The following INTS13 variants were observed in gnomAD, a reference collection of about 807,000 sequenced individuals.
The protein encoded by INTS13 is integrator complex subunit 13.
Under a neutral mutation model 90.2 loss-of-function variants are expected in INTS13, and 35 were observed. The ratio of observed to expected loss-of-function variants is 0.39; its 90% CI spans 0.30 to 0.51. INTS13 has a LOEUF of 0.51. Among genes scored for constraint, INTS13 ranks in the 20% least tolerant of loss-of-function variants. The pLI, the probability that INTS13 is intolerant of heterozygous loss-of-function variation, is 0.80. For synonymous variants in INTS13, 309 were observed against 277.1 expected, an observed-to-expected ratio of 1.11 and a Z score of -1.14; for missense variants, 601 against 851.2, an observed-to-expected ratio of 0.71 and a Z score of 3.66.
At chr12:26,921,176 C>T (rs1424882932) in intron 8 of INTS13, among the ~76,000 whole-genome samples, 1 of 152,214 alleles carries the variant, frequency 6.6e-6, no homozygotes, top group Non-Finnish European at 1.5e-5. Flanking sequence ...AAAGCTTTAG[C>T]TAAAACTTAT....
Position 26,917,397 on chromosome 12 carries a change from C to T in INTS13, c.1024G>A (p.Val342Ile). 1 of 1,573,550 alleles carries T rather than the reference C, an allele frequency of 6.4e-7. No individual in the cohort carries two copies. The highest frequency in any genetic ancestry group is 8.7e-7 in the Non-Finnish European group (1 of 1,154,940). ...AGGCAGGAGGAAGGTCTACTATTTA[C>T]ATCTACAGGTGAAATCCGATAAGCT... is the stretch of plus-strand genomic sequence containing the variant. ...TGAYRISPVDVNSRPSSCLTN... is the reference protein window; with the variant it reads ...TGAYRISPVDINSRPSSCLTN... The change falls in exon 10 of 17, where the codon GTA becomes ATA. Residue 342 changes from valine (V) to isoleucine (I), a missense_variant. By Grantham distance (29) the Val-to-Ile change is conservative. Coordinates refer to ENST00000261191, the MANE Select transcript of INTS13 (RefSeq NM_018164.3).
At chr12:26,910,195 G>A (rs1951732077) in intron 15 of INTS13, among the ~76,000 whole-genome samples, 1 of 152,124 alleles carries the variant, frequency 6.6e-6, no homozygotes, top group African/African-American at 2.4e-5. Context: ...ATAAATGAGT[G>A]ATATTACATA....
rs376533817 is a variant in INTS13 at position 26,914,487 on chromosome 12, C to T, written c.1340G>A (p.Arg447Gln). 8.7e-6 allele frequency: 14 copies of T among 1,613,748 alleles called. No homozygotes were observed. The highest frequency in any genetic ancestry group is 1.3e-5 in the African/African-American group (1 of 74,894). ...ATGTTTTTCTAACTGATCTTTTGCT[C>T]GTTCCAAAGGGACCTCAAGACTTCC... ...IDGSLEVPLE[R>Q]AKDQLEKHTR... The change falls in exon 12 of 17, where the codon CGA (arginine) becomes CAA (glutamine). Residue 447 changes from arginine (R) to glutamine (Q), a missense_variant. Arg to Gln is a conservative substitution (Grantham distance 43). Coordinates refer to ENST00000261191, the MANE Select transcript of INTS13 (RefSeq NM_018164.3).
intron 7 of INTS13, among the ~76,000 whole-genome samples, chr12:26,923,676 T>TA (rs1490307080): frequency 1.3e-5 from 2 of 152,246 alleles, no homozygotes; most frequent in East Asian, 3.9e-4. Context: ...ATAGATTCCT[T>TA]AAAAAATCCA....
intron 3 of INTS13, among the ~76,000 whole-genome samples, chr12:26,932,082 A>G (rs1329239669): frequency 7.6e-6 from 1 of 132,294 alleles, no homozygotes. Context: ...AGTGAAACTC[A>G]GTCTCAAAAA....
chr12:26,928,593 T>C (rs1938015381), intron 4 of INTS13, 110 bp downstream of exon 4: 1 of 1,110,818 alleles, frequency 9.0e-7, no homozygotes, highest in African/African-American at 1.6e-5. Flanking sequence ...AGGCCACTTG[T>C]AATATGCTTA....
chr12:26,925,069 A>C (rs969322786), intron 6 of INTS13, among the ~76,000 whole-genome samples: 3 of 152,144 alleles, frequency 2.0e-5, no homozygotes, highest in Non-Finnish European at 4.4e-5. Flanking sequence ...ACATTATCAA[A>C]AGAGGCAGAA....
chr12:26,922,451 G>C (rs1937639365), intron 8 of INTS13, among the ~76,000 whole-genome samples, 165 bp downstream of exon 8: 1 of 152,192 alleles, frequency 6.6e-6, no homozygotes, highest in Non-Finnish European at 1.5e-5. Context: ...TCATAGGTAT[G>C]TACGTATAGG....
chr12:26,905,545 G>C lies in INTS13; in HGVS notation c.2082-9C>G, dbSNP rs1354528636. 7 of 1,607,616 alleles carry C rather than the reference G, an allele frequency of 4.4e-6. No individual in the cohort carries two copies. In the African/African-American group the frequency reaches 8.1e-5, roughly 19 times the overall value. ...TTTCTGTTGTCTCCATCCTGAAATA[G>C]GAAGAAAAAAACGAGTTGATAAAAT... On this transcript the variant is annotated splice_polypyrimidine_tract_variant and intron_variant, in intron 16 of 16. Coordinates refer to ENST00000261191, the MANE Select transcript of INTS13 (RefSeq NM_018164.3).
At chr12:26,921,660 T>C (rs1242478465) in intron 8 of INTS13, among the ~76,000 whole-genome samples, 1 of 152,148 alleles carries the variant, frequency 6.6e-6, no homozygotes, top group African/African-American at 2.4e-5. Flanking sequence ...CCCCAAGATA[T>C]ATATGTATTT....
In INTS13 at chr12:26,919,962, A is replaced by G. The variant is rs142223110; in HGVS notation, c.890-2229T>C. On this transcript the variant is annotated intron_variant, in intron 8 of 16. Coordinates refer to ENST00000261191, the MANE Select transcript of INTS13 (RefSeq NM_018164.3). ...GCTAACACGGTGAAACCCCGTCTCT[A>G]TTAAAAACACAAAATATTAGCCAGG... 2.2e-3 allele frequency among the ~76,000 whole-genome samples: 328 copies of G among 152,222 alleles called. 1 individual carries two copies. Among genetic ancestry groups the G allele is most frequent in the African/African-American group, 7.7e-3 (320 of 41,548 alleles).
intron 3 of INTS13, among the ~76,000 whole-genome samples, chr12:26,934,237 C>A (rs1265111287): frequency 6.6e-6 from 1 of 151,990 alleles, no homozygotes; most frequent in Non-Finnish European, 1.5e-5. Flanking sequence ...CGCAATGCAC[C>A]CCAGTCTGGG....
rs775707901 is a variant in INTS13, at chr12:26,936,529, C to A, written c.225+50G>T. ...AAATTCATATAAAAATTCATTTATG[C>A]AGTTAAGTACATCCCCAAAATCATG... On this transcript the variant is annotated intron_variant, in intron 2 of 16. Transcript: ENST00000261191. 4 of 1,313,280 alleles carry A rather than the reference C, an allele frequency of 3.0e-6. No individual in the cohort carries two copies. The South Asian group carries it at 5.0e-5, about 16-fold the overall frequency. The allele number at this position is 1,313,280 out of a possible 1,614,324, so 81.4% of individuals were successfully genotyped here.
rs1189265624 is a variant in INTS13 at position 26,937,783 on chromosome 12, G to C, written c.-12+13C>G. ...AGTGGATAGGGAAGACCTCAGGATC[G>C]AGGTTCGCTTACTTTCGTGCCTGGT... On this transcript the variant is annotated intron_variant, in intron 1 of 16. Coordinates refer to ENST00000261191, the MANE Select transcript of INTS13 (RefSeq NM_018164.3). 1.3e-5 allele frequency: 2 copies of C among 152,694 alleles called. No homozygotes were observed. The highest frequency in any genetic ancestry group is 6.5e-5 in the Admixed American group (1 of 15,272). The allele number at this position is 152,694 out of a possible 1,614,324, so 9.5% of individuals were successfully genotyped here.
chr12:26,905,493 C>T lies in INTS13; in HGVS notation c.*4G>A. ...ATGCTAAATTTAGTTCTTCAAGTCA[C>T]TCTTCACTGCCGGCTGGCTTTTCCA... On this transcript the variant is annotated 3_prime_UTR_variant, in exon 17 of 17. Coordinates refer to ENST00000261191, the MANE Select transcript of INTS13 (RefSeq NM_018164.3). 1 of 1,610,670 alleles carries T rather than the reference C, an allele frequency of 6.2e-7. No individual in the cohort carries two copies. The highest frequency in any genetic ancestry group is 1.1e-5 in the South Asian group (1 of 90,146).
chr12:26,924,598 T>C, intron 6 of INTS13, 115 bp from the exon 7 acceptor site: 1 of 1,187,222 alleles, frequency 8.4e-7, no homozygotes, highest in Non-Finnish European at 1.2e-6. Context: ...TTTTAGAAGT[T>C]GGAAAAAAAG....
chr12:26,937,093 G>A (rs1938503699), intron 1 of INTS13, among the ~76,000 whole-genome samples: 1 of 152,190 alleles, frequency 6.6e-6, no homozygotes, highest in African/African-American at 2.4e-5. Flanking sequence ...AAAATTGTCA[G>A]AGGGAAACAT....
At chr12:26,919,366 T>C (rs561113225) in intron 8 of INTS13, among the ~76,000 whole-genome samples, 1 of 152,162 alleles carries the variant, frequency 6.6e-6, no homozygotes, top group East Asian at 1.9e-4. Flanking sequence ...ATGAAGGGCC[T>C]TGTAAGACAT....
At chr12:26,906,767 G>A (rs1446582956) in intron 15 of INTS13, among the ~76,000 whole-genome samples, 1 of 152,198 alleles carries the variant, frequency 6.6e-6, no homozygotes, top group Non-Finnish European at 1.5e-5. Flanking sequence ...GAACACATGA[G>A]GTGGAGACTG....
Sources: allele counts gnomAD v4.1 joint callset (sites outside exome capture counted in the v4.1 genomes callset), GRCh38; gene constraint gnomAD v4.1.1; transcripts MANE v1.5; gene names NCBI Gene and HGNC (gene_info 2026-07-23, HGNC 2026-07-21).